The following RTN1 variants were observed in gnomAD, a reference collection of about 807,000 sequenced individuals.
RTN1 encodes reticulon 1.
A neutral mutation model predicts 65.5 loss-of-function variants in RTN1; 25 were observed. The ratio of observed to expected loss-of-function variants is 0.38; its 90% confidence interval spans 0.28 to 0.53. The LOEUF (loss-of-function observed/expected upper bound fraction) is 0.53, where lower values mean the gene tolerates loss of function less well. Ranked by LOEUF, RTN1 falls within the 20% of genes least tolerant of loss-of-function variation. RTN1 has a pLI of 0.79. For synonymous variants in RTN1, 471 were observed against 447.6 expected (o/e 1.05, Z -0.66); for missense variants, 983 against 1,025.4 (o/e 0.96, Z 0.57).
Position 59,825,387 on chromosome 14 carries a change from C to A in RTN1, c.241+45003G>T, listed in dbSNP as rs372333247. On this transcript the variant is annotated intron_variant, in intron 1 of 8. Transcript: ENST00000267484. The surrounding 1 kb of genome is among the most constrained non-coding windows in gnomAD (Gnocchi z 4.2). ...ACAACTGTTCTGCTGCTTCTCCCAG[C>A]CCTTTCCTGCAGGCTGAGGTACACA... Among the ~76,000 whole-genome samples the A allele has an allele frequency of 5.9e-5, 9 of 152,354 alleles. No individual in the cohort carries two copies. The highest frequency in any genetic ancestry group is 2.2e-4 in the African/African-American group (9 of 41,576).
chr14:59,777,309 T>G (rs1266077264), intron 1 of RTN1, among the ~76,000 whole-genome samples: 1 of 152,202 alleles, frequency 6.6e-6, no homozygotes, highest in Non-Finnish European at 1.5e-5. Flanking sequence ...ACTGTTTGTC[T>G]TTCTTCTTTA....
chr14:59,834,101 C>T (rs917701180), intron 1 of RTN1, among the ~76,000 whole-genome samples: 6 of 151,606 alleles, frequency 4.0e-5, no homozygotes, highest in East Asian at 3.9e-4. Context: ...GCAATTCATT[C>T]GAGAAAAGAT....
At chr14:59,763,679 C>G (rs1885794931) in intron 1 of RTN1, among the ~76,000 whole-genome samples, 1 of 151,766 alleles carries the variant, frequency 6.6e-6, no homozygotes. Context: ...ACTACAGGCA[C>G]CTCCCACGAC....
At chr14:59,689,438 G>A (rs956424968) in intron 3 of RTN1, among the ~76,000 whole-genome samples, 1 of 152,050 alleles carries the variant, frequency 6.6e-6, no homozygotes, top group Non-Finnish European at 1.5e-5. Flanking sequence ...GTAGATATCT[G>A]GATACGAGAA....
chr14:59,840,227 T>A (rs1423306819), intron 1 of RTN1, among the ~76,000 whole-genome samples: 1 of 152,178 alleles, frequency 6.6e-6, no homozygotes, highest in Non-Finnish European at 1.5e-5. Flanking sequence ...AAGTTGGATG[T>A]TGGTGAGCTC....
rs768483248 is a variant in RTN1, at chr14:59,661,259, C to CAAAAAAA, written c.1766-53774_1766-53768dup. Among the ~76,000 whole-genome samples, 27 of 83,342 alleles carry CAAAAAAA rather than the reference C, an allele frequency of 3.2e-4. 1 individual carries two copies. Among genetic ancestry groups the CAAAAAAA allele is most frequent in the Admixed American group, 5.0e-4 (3 of 6,000 alleles). 54.7% of individuals were successfully genotyped at this position (83,342 alleles called of 152,430 possible). A position where few individuals can be genotyped will look rare whatever the true frequency, so the allele number is the denominator to read the frequency against. On this transcript the variant is annotated intron_variant, in intron 3 of 8. Transcript: ENST00000267484. ...AGGCAGTAATTAATAGCCTACCAAC[C>CAAAAAAA]AAAAAAAAAAAAAAAAAAAAGCCCA...
intron 3 of RTN1, among the ~76,000 whole-genome samples, chr14:59,614,031 G>A (rs1882036055): frequency 6.6e-6 from 1 of 152,106 alleles, no homozygotes. Context: ...ACTTGGATAG[G>A]AGAAGCATGC....
Position 59,745,824 on chromosome 14 carries a change from G to T in RTN1, c.899C>A (p.Thr300Asn), listed in dbSNP as rs1253744383. 6.2e-7 allele frequency: 1 copy of T among 1,613,952 alleles called. No homozygotes were observed. Among genetic ancestry groups the T allele is most frequent in the Admixed American group, 1.7e-5 (1 of 60,000 alleles). Residue 300 changes from threonine to asparagine, a missense_variant, in exon 2 of 9, where the codon ACC becomes AAC. By Grantham distance (65) the Thr-to-Asn change is moderately conservative (BLOSUM62 0). Transcript: ENST00000267484. ...PSVETTTQEK[T>N]PEKQDICLKP... is the part of the protein sequence containing the mutation. ...TAGACATATATCTTGCTTCTCAGGG[G>T]TCTTCTCTTGGGTAGTGGTTTCAAC...
intron 3 of RTN1, among the ~76,000 whole-genome samples, chr14:59,686,708 T>C (rs1414103560): frequency 2.0e-5 from 3 of 152,174 alleles, no homozygotes; most frequent in Non-Finnish European, 4.4e-5. Flanking sequence ...TGACTCACCT[T>C]TCCACTGGGG....
chr14:59,695,862 TACAC>T (rs1199889135), intron 3 of RTN1, among the ~76,000 whole-genome samples: 3 of 152,190 alleles, frequency 2.0e-5, no homozygotes, highest in East Asian at 1.9e-4. Flanking sequence ...ACATATATGA[TACAC>T]ACACATATCA....
At chr14:59,763,833 C>G (rs17096580) in intron 1 of RTN1, among the ~76,000 whole-genome samples, 1 of 152,108 alleles carries the variant, frequency 6.6e-6, no homozygotes, top group South Asian at 2.1e-4. Flanking sequence ...GTGCAGCCAA[C>G]CTTAACACAA....
rs1232869645 is a variant in RTN1 at position 59,749,188 on chromosome 14, CTATATA to C, written c.242-2713_242-2708del. 2.9e-4 allele frequency among the ~76,000 whole-genome samples: 21 copies of C among 71,514 alleles called. 5 individuals carry two copies. Among genetic ancestry groups the C allele is most frequent in the African/African-American group, 1.8e-3 (19 of 10,480 alleles). 46.9% of individuals were successfully genotyped at this position (71,514 alleles called of 152,430 possible). Reference sequence around the variant, plus strand: ...TCTATATATCTATCTATATATCTATCTATATATATCTATATATATATCTATATATAT... The same window carrying C: ...TCTATATATCTATCTATATATCTATCTATCTATATATATATCTATATATAT... On this transcript the variant is annotated intron_variant, in intron 1 of 8. Transcript: ENST00000267484.
intron 1 of RTN1, among the ~76,000 whole-genome samples, chr14:59,843,652 G>A (rs1008427245): frequency 6.6e-6 from 1 of 152,152 alleles, no homozygotes; most frequent in Non-Finnish European, 1.5e-5. Flanking sequence ...GAACGCACAC[G>A]TGATTTGAAA....
chr14:59,647,495 ACATTCTTCT>A (rs1288517084), intron 3 of RTN1, among the ~76,000 whole-genome samples: 6 of 152,324 alleles, frequency 3.9e-5, no homozygotes, highest in African/African-American at 1.4e-4. Flanking sequence ...AACAGACTAT[ACATTCTTCT>A]CATCACCACA....
chr14:59,848,497 T>C lies in RTN1; in HGVS notation c.241+21893A>G, dbSNP rs1034416297. Reference sequence around the variant, plus strand: ...GTTTTAAAAGAAATTCAAAGTGATATAACATATGAAGGTTTTTGCTGATTA... The same window carrying C: ...GTTTTAAAAGAAATTCAAAGTGATACAACATATGAAGGTTTTTGCTGATTA... On this transcript the variant is annotated intron_variant, in intron 1 of 8. Coordinates refer to ENST00000267484, the MANE Select transcript of RTN1 (RefSeq NM_021136.3). 1.1e-4 allele frequency among the ~76,000 whole-genome samples: 16 copies of C among 152,360 alleles called. 1 individual carries two copies. Among genetic ancestry groups the C allele is most frequent in the Admixed American group, 7.2e-4 (11 of 15,298 alleles).
At chr14:59,642,589 A>AGAACAC (rs1489344042) in intron 3 of RTN1, among the ~76,000 whole-genome samples, 2 of 152,172 alleles carry the variant, frequency 1.3e-5, no homozygotes, top group African/African-American at 4.8e-5. Flanking sequence ...TCTGTGTTCA[A>AGAACAC]AGTCTTATTA....
chr14:59,690,546 T>G (rs1883939845), intron 3 of RTN1, among the ~76,000 whole-genome samples: 1 of 152,196 alleles, frequency 6.6e-6, no homozygotes, highest in East Asian at 1.9e-4. Flanking sequence ...GGCAGAAAAC[T>G]AATGAAGAAA....
At chr14:59,760,925 A>T (rs2139544778) in intron 1 of RTN1, among the ~76,000 whole-genome samples, 1 of 152,344 alleles carries the variant, frequency 6.6e-6, no homozygotes, top group African/African-American at 2.4e-5. Flanking sequence ...ATACAAAATG[A>T]GTCAGAGGGA....
chr14:59,606,497 C>T (rs909695340), intron 4 of RTN1, among the ~76,000 whole-genome samples: 142 of 152,182 alleles, frequency 9.3e-4, no homozygotes, highest in African/African-American at 2.9e-3. Context: ...TTGTTCACTC[C>T]GTCCCACAGT....
Sources: allele counts gnomAD v4.1 joint callset (sites outside exome capture counted in the v4.1 genomes callset), GRCh38; gene constraint gnomAD v4.1.1; non-coding constraint Gnocchi (gnomAD v3.1); transcripts MANE v1.5; gene names NCBI Gene and HGNC (gene_info 2026-07-23, HGNC 2026-07-21).